The following ULK4 variants were observed in gnomAD, a reference collection of about 807,000 sequenced individuals.
ULK4 encodes inactive serine/threonine-protein kinase ULK4.
Under a neutral mutation model 160.6 loss-of-function variants are expected in ULK4, and 133 were observed. The observed-to-expected ratio is 0.83, with a 90% CI of 0.72 to 0.96. The LOEUF is 0.96. Among genes scored for constraint, ULK4 ranks in the 40% least tolerant of loss-of-function variants. The pLI is 0.00. For synonymous variants in ULK4, 534 were observed against 539.8 expected, an observed-to-expected ratio of 0.99 and a Z score of 0.15; for missense variants, 1,580 against 1,499.5, an observed-to-expected ratio of 1.05 and a Z score of -0.89.
intron 34 of ULK4, among the ~76,000 whole-genome samples, chr3:41,454,314 C>T (rs1156802882): frequency 1.3e-5 from 2 of 149,496 alleles, no homozygotes; most frequent in African/African-American, 2.5e-5. Context: ...CCAAGGCAGG[C>T]GGATCACTTG....
intron 22 of ULK4, among the ~76,000 whole-genome samples, chr3:41,736,960 C>T (rs1276773494): frequency 1.3e-5 from 2 of 151,832 alleles, no homozygotes; most frequent in Non-Finnish European, 2.9e-5. Context: ...ATCCTTTCCC[C>T]ATTGCTTGTG....
intron 32 of ULK4, among the ~76,000 whole-genome samples, chr3:41,511,645 T>C (rs556636483): frequency 7.6e-4 from 115 of 150,766 alleles, no homozygotes; most frequent in Non-Finnish European, 1.2e-3. Flanking sequence ...AATGGTAATT[T>C]AAAAATTGCC....
chr3:41,641,063 T>C lies in ULK4; in HGVS notation c.3071+22544A>G, dbSNP rs962261306. ...CAGTTATAAGATGCATTGAGTTTGA[T>C]TGAGTTTGACCCGGACCCCAGCCTG... On this transcript the variant is annotated intron_variant, in intron 30 of 36. Coordinates refer to ENST00000301831, the MANE Select transcript of ULK4 (RefSeq NM_017886.4). Among the ~76,000 whole-genome samples, 10 of 152,182 alleles carry C rather than the reference T, an allele frequency of 6.6e-5. No homozygotes were observed. The South Asian group carries it at 1.2e-3, about 19-fold the overall frequency.
chr3:41,318,837 G>A (rs1308233581), intron 35 of ULK4, among the ~76,000 whole-genome samples: 1 of 152,202 alleles, frequency 6.6e-6, no homozygotes, highest in Non-Finnish European at 1.5e-5. Flanking sequence ...GCTGTATTTG[G>A]AATGAAGAGG....
At chr3:41,692,867 T>G (rs185250278) in intron 27 of ULK4, among the ~76,000 whole-genome samples, 162 of 152,294 alleles carry the variant, frequency 1.1e-3, no homozygotes, top group African/African-American at 3.8e-3. Flanking sequence ...TTTTTAAAAA[T>G]GTGTGAATAC....
At chr3:41,577,889 T>C (rs1412315874) in intron 31 of ULK4, among the ~76,000 whole-genome samples, 1 of 152,208 alleles carries the variant, frequency 6.6e-6, no homozygotes, top group African/African-American at 2.4e-5. Context: ...GGATGTAACT[T>C]TAAAACAGAT....
At chr3:41,343,295 C>CTTTTTTT (rs55691966) in intron 35 of ULK4, among the ~76,000 whole-genome samples, 6 of 85,334 alleles carry the variant, frequency 7.0e-5, no homozygotes, top group Non-Finnish European at 1.2e-4. Context: ...AGCCCAAAAA[C>CTTTTTTT]TTTTTTTTTT....
intron 35 of ULK4, among the ~76,000 whole-genome samples, chr3:41,267,664 ATAAATTCT>A (rs1559496143): frequency 6.6e-6 from 1 of 152,152 alleles, no homozygotes; most frequent in Admixed American, 6.5e-5. Context: ...CCCTACCACT[ATAAATTCT>A]GCATGACTCT....
At chr3:41,684,335 C>T (rs751999294) in intron 27 of ULK4, among the ~76,000 whole-genome samples, 2 of 152,216 alleles carry the variant, frequency 1.3e-5, no homozygotes, top group Non-Finnish European at 2.9e-5. Context: ...AGGTCTATGA[C>T]CCCTATAAGC....
At chr3:41,382,269 C>T (rs1443413479) in intron 35 of ULK4, among the ~76,000 whole-genome samples, 1 of 152,110 alleles carries the variant, frequency 6.6e-6, no homozygotes, top group Non-Finnish European at 1.5e-5. Context: ...CCTGCTGTAT[C>T]CCCAACATTG....
intron 12 of ULK4, among the ~76,000 whole-genome samples, chr3:41,902,565 G>A (rs1210090618): frequency 3.1e-5 from 4 of 128,872 alleles, no homozygotes; most frequent in Admixed American, 9.1e-5. Flanking sequence ...GTGACAAAGC[G>A]AGACTCCACC....
At chr3:41,321,032 A>G (rs2080235419) in intron 35 of ULK4, among the ~76,000 whole-genome samples, 1 of 151,974 alleles carries the variant, frequency 6.6e-6, no homozygotes, top group South Asian at 2.1e-4. Context: ...TTAAGCCTGG[A>G]AACTGTCCAT....
At chr3:41,554,862 T>A (rs976877265) in intron 32 of ULK4, among the ~76,000 whole-genome samples, 6 of 151,832 alleles carry the variant, frequency 4.0e-5, no homozygotes, top group South Asian at 4.2e-4. Flanking sequence ...AAAGTAGAAA[T>A]AATAAAACAA....
chr3:41,910,389 T>A (rs1236304979), intron 11 of ULK4, among the ~76,000 whole-genome samples: 1 of 150,206 alleles, frequency 6.7e-6, no homozygotes, highest in East Asian at 2.0e-4. Flanking sequence ...AGGTCAGGAG[T>A]TCAAGACAAG....
intron 36 of ULK4, among the ~76,000 whole-genome samples, chr3:41,248,565 G>A (rs1479420337): frequency 2.0e-5 from 3 of 152,182 alleles, no homozygotes; most frequent in Non-Finnish European, 4.4e-5. Flanking sequence ...AGCCTTCTCT[G>A]CAAACTCACC....
intron 34 of ULK4, among the ~76,000 whole-genome samples, chr3:41,446,230 G>C (rs1257852237): frequency 5.3e-5 from 8 of 152,136 alleles, no homozygotes. Flanking sequence ...GAAACAACAG[G>C]TGCCGAAGAG....
At chr3:41,763,659 G>C (rs565182583) in intron 21 of ULK4, among the ~76,000 whole-genome samples, 19 of 152,280 alleles carry the variant, frequency 1.2e-4, no homozygotes, top group African/African-American at 3.8e-4. Context: ...AAGCTGCTAT[G>C]GACATTCTTG....
intron 35 of ULK4, among the ~76,000 whole-genome samples, chr3:41,280,110 T>A (rs927394787): frequency 6.6e-6 from 1 of 152,232 alleles, no homozygotes; most frequent in Non-Finnish European, 1.5e-5. Flanking sequence ...AAGAGCTAAC[T>A]ATCCTAAATA....
intron 32 of ULK4, among the ~76,000 whole-genome samples, chr3:41,556,747 A>C (rs190139249): frequency 0.013 from 1,956 of 152,174 alleles, 25 homozygotes; most frequent in Middle Eastern, 0.034. Context: ...TCAGCCTCCA[A>C]AAGTGCTGGG....
Sources: gnomAD v4.1 joint callset for allele counts (sites outside exome capture counted in the v4.1 genomes callset) on GRCh38, gnomAD v4.1.1 for gene constraint, MANE v1.5 for transcripts, NCBI Gene and HGNC (gene_info 2026-07-23, HGNC 2026-07-21) for gene names.